Variants in ZNF773 observed in about 807,000 individuals in gnomAD.
ZNF773 encodes zinc finger protein 419B.
ZNF773 carries 11 observed loss-of-function variants against 12.8 expected under a neutral mutation model. That is an observed-to-expected ratio of 0.86 (90% CI 0.54 to 1.42). The LOEUF (loss-of-function observed/expected upper bound fraction) is 1.42, where lower values mean the gene tolerates loss of function less well. Ranked by LOEUF, ZNF773 falls within the 40% of genes most tolerant of loss-of-function variation. ZNF773 has a pLI of 0.00. For synonymous variants in ZNF773, 175 were observed against 178.4 expected (o/e 0.98, Z 0.15); for missense variants, 518 against 527.2 (o/e 0.98, Z 0.17).
At chr19:57,515,378 T>C (rs7248432), downstream of ZNF773, 135,218 of 152,286 alleles carry the variant, frequency 0.89, 60,042 homozygotes, top group South Asian at 0.93. Flanking sequence ...TCATCTGCCT[T>C]GCAGCCAGGC....
Position 57,507,100 on chromosome 19 carries a change from A to G in ZNF773, c.1005A>G (p.Glu335=), listed in dbSNP as rs755638828. 1.2e-6 allele frequency: 2 copies of G among 1,614,156 alleles called. No homozygotes were observed. Among genetic ancestry groups the G allele is most frequent in the Non-Finnish European group, 1.7e-6 (2 of 1,180,006 alleles). ...GAGAAAGACCTTATAAGTGCAGTGA[A>G]TGTGGAAAATTCTATAGCCACAAGT... ...HTGERPYKCS[E]CGKFYSHKSS... Residue 335 remains glutamate, a synonymous_variant, in exon 4 of 4, where the codon GAA becomes GAG. Transcript: ENST00000282292.
chr19:57,502,289 C>T (rs2089679546), intron 1 of ZNF773, among the ~76,000 whole-genome samples: 1 of 152,132 alleles, frequency 6.6e-6, no homozygotes, highest in African/African-American at 2.4e-5. Flanking sequence ...CAACCAATGA[C>T]AGGAGATTTA....
Position 57,500,007 on chromosome 19 carries a change from T to C in ZNF773, c.-74T>C, listed in dbSNP as rs190821966. The C allele has an allele frequency of 1.9e-3, 2,947 of 1,519,154 alleles. 42 individuals are homozygous for C. In the African/African-American group the frequency reaches 0.031, roughly 16 times the overall value. The allele number at this position is 1,519,154 out of a possible 1,614,324, so 94.1% of individuals were successfully genotyped here. ...TGTGTTCTCGCAGCTCAGAGGCGGG[T>C]CTGAGGCTCGGTGGCGGCGCCCAGG... On this transcript the variant is annotated 5_prime_UTR_variant, in exon 1 of 4. Transcript: ENST00000282292.
At chr19:57,515,472 C>T (rs1031059371), downstream of ZNF773, 2 of 152,236 alleles carry the variant, frequency 1.3e-5, no homozygotes, top group African/African-American at 2.4e-5. Flanking sequence ...CTAGGCTTGG[C>T]TCCATATGAA....
chr19:57,507,397 A>T lies in ZNF773; in HGVS notation c.1302A>T (p.Arg434=). The change falls in exon 4 of 4, where the codon CGA becomes CGT. Residue 434 remains arginine, a synonymous_variant. Transcript: ENST00000282292. ...FRHSSSLVKH[R]RIHTGEIQ is the part of the protein sequence containing the mutation. ...ACAGCTCCAGTCTTGTTAAACATCGAAGGATTCACACTGGAGAAATACAAT... is the reference window on the plus strand; with the variant it reads ...ACAGCTCCAGTCTTGTTAAACATCGTAGGATTCACACTGGAGAAATACAAT... 6.2e-7 allele frequency: 1 copy of T among 1,607,744 alleles called. No homozygotes were observed. Among genetic ancestry groups the T allele is most frequent in the East Asian group, 2.2e-5 (1 of 44,836 alleles).
At chr19:57,505,241 G>A in intron 2 of ZNF773, 61 bp from the exon 3 acceptor site, 5 of 1,487,716 alleles carry the variant, frequency 3.4e-6, no homozygotes, top group Non-Finnish European at 4.7e-6. Flanking sequence ...TCTTTCCTGT[G>A]GTCCATGATG....
rs1269346823 is a variant in ZNF773, at chr19:57,499,977, C to T, written c.-104C>T. On this transcript the variant is annotated 5_prime_UTR_variant, in exon 1 of 4. In the 5' UTR this introduces an upstream ATG that the reference lacks. Coordinates refer to ENST00000282292, the MANE Select transcript of ZNF773 (RefSeq NM_198542.3). ...CCAGCTCCGGAAAGCGCGGTGGGGACGCGCTGTGTTCTCGCAGCTCAGAGG... is the reference window on the plus strand; with the variant it reads ...CCAGCTCCGGAAAGCGCGGTGGGGATGCGCTGTGTTCTCGCAGCTCAGAGG... 1.1e-5 allele frequency: 16 copies of T among 1,424,716 alleles called. No homozygotes were observed. The highest frequency in any genetic ancestry group is 5.3e-5 in the South Asian group (4 of 75,868). The allele number at this position is 1,424,716 out of a possible 1,614,324, so 88.3% of individuals were successfully genotyped here.
chr19:57,504,637 C>A lies in ZNF773; in HGVS notation c.34-20C>A. The A allele has an allele frequency of 6.2e-7, 1 of 1,613,486 alleles. No individual in the cohort carries two copies. Among genetic ancestry groups the A allele is most frequent in the Middle Eastern group, 1.6e-4 (1 of 6,062 alleles). ...CCCCAGTAAGGAGACCGCAGATAAA[C>A]TCAACTCTGTCCATCTTAGCAGGGC... On this transcript the variant is annotated intron_variant, in intron 1 of 3. Coordinates refer to ENST00000282292, the MANE Select transcript of ZNF773 (RefSeq NM_198542.3).
In ZNF773 at chr19:57,507,266, G is replaced by T. The variant is rs761582727; in HGVS notation, c.1171G>T (p.Glu391Ter). The T allele has an allele frequency of 5.0e-6, 8 of 1,611,178 alleles. No individual in the cohort carries two copies. In the East Asian group the frequency reaches 1.3e-4, roughly 27 times the overall value. ...TGGAGAAAAACCTTTTAAGTGCAAT[G>T]AATGTGGGAGATTCTTTAGTGAGAA... ...HTGEKPFKCN[E>*]CGRFFSENSS... The change falls in exon 4 of 4, where the codon GAA becomes TAA. Residue 391 changes from glutamate (E) to a stop codon, truncating the protein, a stop_gained. Coordinates refer to ENST00000282292, the MANE Select transcript of ZNF773 (RefSeq NM_198542.3). LOFTEE classifies it low-confidence loss of function (END_TRUNC).
chr19:57,515,914 G>A (rs1600157980), downstream of ZNF773: 1 of 152,244 alleles, frequency 6.6e-6, no homozygotes, highest in East Asian at 1.9e-4. Flanking sequence ...TTAAGACTCT[G>A]GCAGAATGAC....
chr19:57,515,332 CCTGCATCAAAACACCT>C, downstream of ZNF773: 2 of 152,352 alleles, frequency 1.3e-5, 1 homozygote, highest in South Asian at 4.1e-4. Context: ...CTCATGCATT[CCTGCATCAAAACACCT>C]CTGCCCTTAC....
At chr19:57,505,843 A>C (rs1486906028) in intron 3 of ZNF773, among the ~76,000 whole-genome samples, 1 of 151,336 alleles carries the variant, frequency 6.6e-6, no homozygotes, top group Non-Finnish European at 1.5e-5. Flanking sequence ...CCTAGTAGCC[A>C]GGACTACAGG....
intron 1 of ZNF773, among the ~76,000 whole-genome samples, chr19:57,500,804 C>T (rs2089660974): frequency 6.6e-6 from 1 of 152,098 alleles, no homozygotes; most frequent in African/African-American, 2.4e-5. Flanking sequence ...GTGGAGGTGT[C>T]ATGTCCACAT....
downstream of ZNF773, chr19:57,508,592 T>G (rs1210476571): frequency 1.4e-6 from 1 of 698,906 alleles, no homozygotes; most frequent in East Asian, 2.7e-5. Flanking sequence ...TTTCAAATTT[T>G]AAGAACTTGC....
At chr19:57,517,216 G>A (rs1031571111), downstream of ZNF773, 3 of 152,190 alleles carry the variant, frequency 2.0e-5, no homozygotes, top group South Asian at 2.1e-4. Context: ...ATGCCCAATC[G>A]ATTTGTGATG....
At chr19:57,501,313 T>C (rs55634644) in intron 1 of ZNF773, among the ~76,000 whole-genome samples, 30,505 of 147,990 alleles carry the variant, frequency 0.21, 3,266 homozygotes, top group African/African-American at 0.25. Context: ...AGAATTCTGC[T>C]CTTGTGATCT....
In ZNF773 at chr19:57,506,980, A is replaced by C. The variant is rs766589769; in HGVS notation, c.885A>C (p.Arg295Ser). ...RHNSTLVQHH[R>S]IHTGVRPYEC... ...ATTCCACACTTGTTCAGCATCACAG[A>C]ATCCACACTGGAGTAAGGCCTTATG... The change falls in exon 4 of 4, where the codon AGA becomes AGC. Residue 295 changes from arginine to serine, a missense_variant. Coordinates refer to ENST00000282292, the MANE Select transcript of ZNF773 (RefSeq NM_198542.3). 6.2e-7 allele frequency: 1 copy of C among 1,614,196 alleles called. No individual in the cohort carries two copies. The highest frequency in any genetic ancestry group is 1.7e-5 in the Admixed American group (1 of 60,026).
rs1486823964 is a variant in ZNF773, at chr19:57,499,995, C to T, written c.-86C>T. On this transcript the variant is annotated 5_prime_UTR_variant, in exon 1 of 4. Coordinates refer to ENST00000282292, the MANE Select transcript of ZNF773 (RefSeq NM_198542.3). ...GTGGGGACGCGCTGTGTTCTCGCAGCTCAGAGGCGGGTCTGAGGCTCGGTG... is the reference window on the plus strand; with the variant it reads ...GTGGGGACGCGCTGTGTTCTCGCAGTTCAGAGGCGGGTCTGAGGCTCGGTG... 3 of 1,506,564 alleles carry T rather than the reference C, an allele frequency of 2.0e-6. No homozygotes were observed. Among genetic ancestry groups the T allele is most frequent in the Non-Finnish European group, 1.8e-6 (2 of 1,121,492 alleles). 93.3% of individuals were successfully genotyped at this position (1,506,564 alleles called of 1,614,324 possible). A position where few individuals can be genotyped will look rare whatever the true frequency, so the allele number is the denominator to read the frequency against.
At chr19:57,509,610 C>A (rs751284116), downstream of ZNF773, among the ~76,000 whole-genome samples, 26 of 152,186 alleles carry the variant, frequency 1.7e-4, no homozygotes, top group Non-Finnish European at 3.5e-4. Context: ...GACAAATCAC[C>A]ACAAACTTAC....
Sources: allele counts gnomAD v4.1 joint callset (sites outside exome capture counted in the v4.1 genomes callset), GRCh38; gene constraint gnomAD v4.1.1; transcripts MANE v1.5; gene names NCBI Gene and HGNC (gene_info 2026-07-23, HGNC 2026-07-21).